The following WWTR1 variants were observed in gnomAD, a reference collection of about 807,000 sequenced individuals.
The protein encoded by WWTR1 is WW domain-containing transcription regulator protein 1.
In WWTR1, 13 loss-of-function variants were observed where a neutral mutation model predicts 40.1. The ratio of observed to expected loss-of-function variants is 0.32; its 90% CI spans 0.21 to 0.52. The LOEUF is 0.52. Among genes scored for constraint, WWTR1 ranks in the 20% least tolerant of loss-of-function variants. The pLI is 0.97. For missense variants in WWTR1, 436 were observed against 523.1 expected (o/e 0.83, Z 1.63); for synonymous variants, 230 against 210.1 (o/e 1.09, Z -0.82).
At chr3:149,574,936 A>C (rs1737813567) in intron 2 of WWTR1, among the ~76,000 whole-genome samples, 1 of 152,104 alleles carries the variant, frequency 6.6e-6, no homozygotes, top group Non-Finnish European at 1.5e-5. Flanking sequence ...CTCTATTAAA[A>C]ATATAAAAAG....
At chr3:149,593,967 C>T (rs1315675275) in intron 2 of WWTR1, among the ~76,000 whole-genome samples, 2 of 152,048 alleles carry the variant, frequency 1.3e-5, no homozygotes, top group African/African-American at 2.4e-5. Flanking sequence ...AGAGTAGGTA[C>T]CCTTGGGGAA....
intron 1 of WWTR1, among the ~76,000 whole-genome samples, chr3:149,680,292 C>A (rs909820029): frequency 1.3e-5 from 2 of 152,286 alleles, no homozygotes; most frequent in Non-Finnish European, 2.9e-5. Flanking sequence ...GCCTGTAATC[C>A]CAGCACTTTG....
intron 4 of WWTR1, among the ~76,000 whole-genome samples, chr3:149,539,275 G>A (rs138464104): frequency 9.7e-4 from 147 of 152,286 alleles, no homozygotes; most frequent in Middle Eastern, 3.4e-3. Context: ...TTTCAGATTC[G>A]TCGTATCATT....
At chr3:149,653,136 A>G (rs1299818018) in intron 2 of WWTR1, among the ~76,000 whole-genome samples, 2 of 152,222 alleles carry the variant, frequency 1.3e-5, no homozygotes, top group African/African-American at 4.8e-5. Context: ...ACGTTACTCA[A>G]ATGAAAGATT....
intron 2 of WWTR1, among the ~76,000 whole-genome samples, chr3:149,650,558 T>C (rs1372506801): frequency 6.6e-6 from 1 of 152,244 alleles, no homozygotes; most frequent in African/African-American, 2.4e-5. Context: ...CTCTGGGATG[T>C]GCTGACTCTC....
intron 5 of WWTR1, among the ~76,000 whole-genome samples, chr3:149,714,324 C>A (rs760899686): frequency 6.6e-6 from 1 of 152,184 alleles, no homozygotes; most frequent in Non-Finnish European, 1.5e-5. Context: ...GCTGCGACTG[C>A]AGAACCAGGC....
chr3:149,580,676 C>T (rs542391541), intron 2 of WWTR1, among the ~76,000 whole-genome samples: 3 of 152,306 alleles, frequency 2.0e-5, no homozygotes, highest in African/African-American at 7.2e-5. Context: ...TGCAATGGTG[C>T]GATCTCAGCT....
chr3:149,531,226 C>A (rs1735566355), intron 4 of WWTR1, among the ~76,000 whole-genome samples: 1 of 152,204 alleles, frequency 6.6e-6, no homozygotes. Context: ...TGAGCCACTG[C>A]ACCCGGCCTG....
chr3:149,556,356 A>G (rs909482519), intron 3 of WWTR1, among the ~76,000 whole-genome samples: 10 of 152,206 alleles, frequency 6.6e-5, no homozygotes, highest in African/African-American at 2.4e-4. Context: ...CGAGGTGGGC[A>G]GATCACAAGG....
intron 1 of WWTR1, among the ~76,000 whole-genome samples, chr3:149,691,648 C>T (rs1714829036): frequency 6.6e-6 from 1 of 151,910 alleles, no homozygotes; most frequent in African/African-American, 2.4e-5. Flanking sequence ...ACAATGAGAT[C>T]AAAGCTATAA....
chr3:149,651,825 T>G (rs1328495048), intron 2 of WWTR1, among the ~76,000 whole-genome samples: 2 of 129,198 alleles, frequency 1.5e-5, no homozygotes, highest in East Asian at 4.4e-4. Flanking sequence ...TGCCTATGGA[T>G]TTTCTTTTTT....
intron 2 of WWTR1, among the ~76,000 whole-genome samples, chr3:149,628,733 ATTTTTTTTATTTTATTTTAT>A (rs1419508945): frequency 2.8e-5 from 4 of 140,730 alleles, no homozygotes; most frequent in African/African-American, 1.1e-4. Flanking sequence ...GATTCTTTTT[ATTTTTTTTATTTTATTTTAT>A]TTTATTTTAT....
chr3:149,681,797 T>G (rs1393160303), intron 1 of WWTR1, among the ~76,000 whole-genome samples: 1 of 152,184 alleles, frequency 6.6e-6, no homozygotes, highest in Non-Finnish European at 1.5e-5. Context: ...AAGGACATTA[T>G]GCTAAGTAAA....
chr3:149,544,395 C>T (rs1008334386), intron 3 of WWTR1, among the ~76,000 whole-genome samples: 7 of 152,146 alleles, frequency 4.6e-5, no homozygotes, highest in Non-Finnish European at 8.8e-5. Context: ...ATTCCTGCTG[C>T]GTGTCATGCA....
intron 2 of WWTR1, among the ~76,000 whole-genome samples, chr3:149,600,312 T>C (rs1268615100): frequency 6.6e-6 from 1 of 152,216 alleles, no homozygotes; most frequent in Non-Finnish European, 1.5e-5. Context: ...ATTCTACCTG[T>C]AACACAGTCC....
intron 2 of WWTR1, among the ~76,000 whole-genome samples, chr3:149,616,664 A>G (rs941528141): frequency 6.6e-6 from 1 of 151,358 alleles, no homozygotes; most frequent in Non-Finnish European, 1.5e-5. Context: ...CTGGTCTCCA[A>G]CTCCCAACCT....
chr3:149,591,204 A>G (rs939345853), intron 2 of WWTR1, among the ~76,000 whole-genome samples: 1 of 152,192 alleles, frequency 6.6e-6, no homozygotes, highest in African/African-American at 2.4e-5. Flanking sequence ...GAAGAGGTAA[A>G]AGGACTCTGA....
At chr3:149,623,875 G>A (rs559687013) in intron 2 of WWTR1, among the ~76,000 whole-genome samples, 39 of 152,188 alleles carry the variant, frequency 2.6e-4, no homozygotes, top group Admixed American at 2.4e-3. Flanking sequence ...GCATCTCCTC[G>A]TTACCTTCAT....
chr3:149,716,289 G>A (rs1715606075), intron 5 of WWTR1, among the ~76,000 whole-genome samples: 1 of 151,998 alleles, frequency 6.6e-6, no homozygotes, highest in African/African-American at 2.4e-5. Context: ...AGGCTGGGCA[G>A]GAGAATTGCT....
Sources: allele counts gnomAD v4.1 joint callset (sites outside exome capture counted in the v4.1 genomes callset), GRCh38; gene constraint gnomAD v4.1.1; transcripts MANE v1.5; gene names NCBI Gene and HGNC (gene_info 2026-07-23, HGNC 2026-07-21).